RGL1: variants seen among roughly 807,000 people sequenced by gnomAD.
The protein encoded by RGL1 is ral guanine nucleotide dissociation stimulator like 1.
A neutral mutation model predicts 95.2 loss-of-function variants in RGL1; 24 were observed. That is an observed-to-expected ratio of 0.25 (90% CI 0.18 to 0.35). RGL1 has a LOEUF of 0.35. RGL1 is among the 10% of genes least tolerant of loss of function. The pLI, the probability that RGL1 is intolerant of heterozygous loss-of-function variation, is 1.00. For synonymous variants in RGL1, 329 were observed against 344.9 expected (o/e 0.95, Z 0.51); for missense variants, 715 against 936.3 (o/e 0.76, Z 3.08).
intron 1 of RGL1, among the ~76,000 whole-genome samples, chr1:183,732,960 T>TTA (rs1656716690): frequency 6.6e-6 from 1 of 152,162 alleles, no homozygotes; most frequent in Non-Finnish European, 1.5e-5. Flanking sequence ...TAAAACCTTT[T>TTA]GGTTCACTCT....
chr1:183,793,197 G>C (rs1428900426), intron 2 of RGL1, among the ~76,000 whole-genome samples: 1 of 152,050 alleles, frequency 6.6e-6, no homozygotes. Flanking sequence ...GAAAGGATAC[G>C]CTCTTCAGTA....
Position 183,927,785 on chromosome 1 carries a change from G to T in RGL1, c.*1493G>T, listed in dbSNP as rs75981610. ...TCCAAAAATTTAGAGAACAAACCCG[G>T]AATATGAAGTGCAGATTGTAACATG... On this transcript the variant is annotated 3_prime_UTR_variant, in exon 18 of 18. Coordinates refer to ENST00000360851, the MANE Select transcript of RGL1 (RefSeq NM_001297671.3). The T allele has an allele frequency of 0.027, 4,164 of 152,568 alleles. 59 individuals carry two copies. The highest frequency in any genetic ancestry group is 0.042 in the South Asian group (203 of 4,800). The allele number at this position is 152,568 out of a possible 1,614,324, so 9.5% of individuals were successfully genotyped here. A position where few individuals can be genotyped will look rare whatever the true frequency, so the allele number is the denominator to read the frequency against.
intron 2 of RGL1, among the ~76,000 whole-genome samples, chr1:183,796,393 A>G (rs10911439): frequency 0.14 from 20,883 of 151,950 alleles, 2,395 homozygotes; most frequent in East Asian, 0.42. Flanking sequence ...GAATCTTTTG[A>G]CCTTGTGATC....
intron 1 of RGL1, among the ~76,000 whole-genome samples, chr1:183,723,171 A>C (rs1199199249): frequency 6.6e-6 from 1 of 152,226 alleles, no homozygotes; most frequent in Non-Finnish European, 1.5e-5. Flanking sequence ...TGAATCATTA[A>C]AAAATAAAGT....
intron 1 of RGL1, among the ~76,000 whole-genome samples, chr1:183,649,617 T>C (rs1258396505): frequency 6.6e-6 from 1 of 152,218 alleles, no homozygotes; most frequent in Non-Finnish European, 1.5e-5. Flanking sequence ...GTAAGAGTTT[T>C]CTTTCCCGTG....
chr1:183,898,021 A>G (rs1667801110), intron 10 of RGL1, 124 bp downstream of exon 10: 2 of 714,298 alleles, frequency 2.8e-6, no homozygotes, highest in South Asian at 1.8e-5. Context: ...AGGGTCTCCC[A>G]TTCTCTACCC....
At chr1:183,781,541 A>G (rs1659903787) in intron 2 of RGL1, among the ~76,000 whole-genome samples, 1 of 152,116 alleles carries the variant, frequency 6.6e-6, no homozygotes, top group South Asian at 2.1e-4. Context: ...TCTCCACCCC[A>G]TCTGATCCAT....
intron 1 of RGL1, among the ~76,000 whole-genome samples, chr1:183,723,086 G>T (rs1405158935): frequency 3.3e-5 from 5 of 152,068 alleles, no homozygotes; most frequent in Non-Finnish European, 7.4e-5. Context: ...CAAAATTCTT[G>T]TATTTTATGT....
In RGL1 at chr1:183,900,136, T is replaced by C. The variant is rs1221863558; in HGVS notation, c.1231-14T>C. On this transcript the variant is annotated splice_polypyrimidine_tract_variant and intron_variant, in intron 10 of 17. Coordinates refer to ENST00000360851, the MANE Select transcript of RGL1 (RefSeq NM_001297671.3). ...AATGACAATAAAGACAGTTTTGCTTTGGATGCTCTTCAGGGTGTGATGCAG... is the reference window on the plus strand; with the variant it reads ...AATGACAATAAAGACAGTTTTGCTTCGGATGCTCTTCAGGGTGTGATGCAG... 1 of 1,609,032 alleles carries C rather than the reference T, an allele frequency of 6.2e-7. No individual in the cohort carries two copies. Among genetic ancestry groups the C allele is most frequent in the South Asian group, 1.1e-5 (1 of 90,772 alleles).
At chr1:183,809,523 C>A (rs1661560680) in intron 2 of RGL1, among the ~76,000 whole-genome samples, 1 of 152,200 alleles carries the variant, frequency 6.6e-6, no homozygotes. Flanking sequence ...TATTGAAATA[C>A]TGACCCATTT....
chr1:183,903,094 G>C (rs552781653), intron 12 of RGL1, among the ~76,000 whole-genome samples: 10 of 152,230 alleles, frequency 6.6e-5, no homozygotes, highest in Admixed American at 2.6e-4. Context: ...GTATATACAT[G>C]TTTCAGAACA....
intron 10 of RGL1, among the ~76,000 whole-genome samples, chr1:183,898,502 G>C (rs1212364073): frequency 6.6e-6 from 1 of 152,208 alleles, no homozygotes; most frequent in South Asian, 2.1e-4. Flanking sequence ...ACTTCTGACT[G>C]TTAGCATAAA....
intron 1 of RGL1, among the ~76,000 whole-genome samples, chr1:183,663,686 C>T (rs1651818894): frequency 6.6e-6 from 1 of 151,612 alleles, no homozygotes; most frequent in African/African-American, 2.4e-5. Context: ...CTAGAAATAC[C>T]ATTTGACCCA....
intron 2 of RGL1, among the ~76,000 whole-genome samples, chr1:183,807,964 A>G (rs1178809934): frequency 6.6e-6 from 1 of 152,218 alleles, no homozygotes; most frequent in African/African-American, 2.4e-5. Context: ...TTTGGCCTCT[A>G]GCTATTTCAG....
intron 4 of RGL1, among the ~76,000 whole-genome samples, chr1:183,875,553 T>C (rs904567036): frequency 5.3e-5 from 8 of 152,024 alleles, no homozygotes; most frequent in Non-Finnish European, 8.8e-5. Flanking sequence ...TAAGCAGGTG[T>C]TATTAGGTGT....
chr1:183,694,701 A>G (rs540757683), intron 1 of RGL1, among the ~76,000 whole-genome samples: 2 of 152,198 alleles, frequency 1.3e-5, no homozygotes, highest in Non-Finnish European at 2.9e-5. Flanking sequence ...AGATTTGCAG[A>G]TCTGGGTACT....
chr1:183,896,198 C>G (rs1667688905), intron 9 of RGL1, among the ~76,000 whole-genome samples: 1 of 152,172 alleles, frequency 6.6e-6, no homozygotes, highest in African/African-American at 2.4e-5. Flanking sequence ...CTATCTAGCA[C>G]AGGAAAGGCG....
At chr1:183,826,171 A>G (rs977441840) in intron 2 of RGL1, among the ~76,000 whole-genome samples, 2 of 151,668 alleles carry the variant, frequency 1.3e-5, no homozygotes, top group Non-Finnish European at 2.9e-5. Context: ...CTCCTGCCTC[A>G]GCCTCCTGAG....
intron 1 of RGL1, among the ~76,000 whole-genome samples, chr1:183,666,491 T>C (rs1167352780): frequency 2.6e-5 from 4 of 152,210 alleles, no homozygotes; most frequent in Admixed American, 2.0e-4. Flanking sequence ...TTTCCAAGTA[T>C]TTTGGAATTT....
Sources: allele counts gnomAD v4.1 joint callset (sites outside exome capture counted in the v4.1 genomes callset), GRCh38; gene constraint gnomAD v4.1.1; transcripts MANE v1.5; gene names NCBI Gene and HGNC (gene_info 2026-07-23, HGNC 2026-07-21).